Variants in PDE1C observed in about 807,000 individuals in gnomAD.
PDE1C encodes phosphodiesterase 1C.
Under a neutral mutation model 93.1 loss-of-function variants are expected in PDE1C, and 62 were observed. The observed-to-expected ratio is 0.67, with a 90% CI of 0.54 to 0.82. The LOEUF (loss-of-function observed/expected upper bound fraction) is 0.82, where lower values mean the gene tolerates loss of function less well. Among genes scored for constraint, PDE1C ranks in the 40% least tolerant of loss-of-function variants. PDE1C has a pLI of 0.00. For synonymous variants in PDE1C, 325 were observed against 310.1 expected, an observed-to-expected ratio of 1.05 and a Z score of -0.50; for missense variants, 742 against 884.6, an observed-to-expected ratio of 0.84 and a Z score of 2.04.
chr7:32,064,120 G>A, intron 1 of PDE1C, among the ~76,000 whole-genome samples: 1 of 152,102 alleles, frequency 6.6e-6, no homozygotes. Flanking sequence ...TGCTTTTCTG[G>A]TAAGATTCAG....
chr7:31,992,116 T>C (rs1235072653), intron 2 of PDE1C, among the ~76,000 whole-genome samples: 2 of 152,164 alleles, frequency 1.3e-5, no homozygotes, highest in Admixed American at 1.3e-4. Flanking sequence ...CCCAGTGGGA[T>C]CCCATGCACC....
At chr7:32,329,181 G>T (rs1562676300) in intron 1 of PDE1C, among the ~76,000 whole-genome samples, 1 of 152,196 alleles carries the variant, frequency 6.6e-6, no homozygotes, top group African/African-American at 2.4e-5. Flanking sequence ...GCAGTAAGCT[G>T]TGATCATGCC....
chr7:32,405,322 G>T (rs1388858571), intron 1 of PDE1C, among the ~76,000 whole-genome samples: 1 of 149,506 alleles, frequency 6.7e-6, no homozygotes, highest in African/African-American at 2.5e-5. Flanking sequence ...CACAATCTTG[G>T]TTTACCACAA....
upstream of PDE1C, among the ~76,000 whole-genome samples, chr7:32,304,153 G>A (rs1264989568): frequency 6.6e-6 from 1 of 152,174 alleles, no homozygotes; most frequent in Non-Finnish European, 1.5e-5. Flanking sequence ...GGGTCCTCCA[G>A]AAAGCATTTT....
At chr7:32,126,242 T>TAGAG in intron 3 of PDE1C, among the ~76,000 whole-genome samples, 1 of 149,928 alleles carries the variant, frequency 6.7e-6, no homozygotes, top group Non-Finnish European at 1.5e-5. Context: ...GATAGATAGA[T>TAGAG]AGATTCATTT....
chr7:32,158,792 G>T (rs551974252), intron 3 of PDE1C, among the ~76,000 whole-genome samples: 3 of 152,192 alleles, frequency 2.0e-5, no homozygotes, highest in Non-Finnish European at 4.4e-5. Flanking sequence ...CTTACTCAAA[G>T]ATGGAGAGCT....
intron 2 of PDE1C, among the ~76,000 whole-genome samples, chr7:31,989,392 C>T (rs1476758524): frequency 2.0e-5 from 3 of 152,098 alleles, no homozygotes; most frequent in Non-Finnish European, 2.9e-5. Flanking sequence ...ATGATTTTTC[C>T]ACCATCAAAC....
chr7:32,071,111 G>T, upstream of PDE1C: 1 of 985,498 alleles, frequency 1.0e-6, no homozygotes, highest in Non-Finnish European at 1.2e-6. Flanking sequence ...CCGGGCACAC[G>T]CTGGGCTCCG....
chr7:31,840,470 G>A (rs1447473350), intron 9 of PDE1C, among the ~76,000 whole-genome samples: 2 of 151,820 alleles, frequency 1.3e-5, no homozygotes, highest in African/African-American at 4.8e-5. Context: ...TTTTTATAAA[G>A]TTCAATTTAT....
chr7:31,965,988 C>G (rs955293477), intron 2 of PDE1C, among the ~76,000 whole-genome samples: 2 of 152,178 alleles, frequency 1.3e-5, no homozygotes, highest in African/African-American at 4.8e-5. Context: ...CGACCAGTAC[C>G]AGCCACTGCA....
At chr7:32,132,366 T>C (rs912328807) in intron 3 of PDE1C, among the ~76,000 whole-genome samples, 3 of 152,188 alleles carry the variant, frequency 2.0e-5, no homozygotes, top group African/African-American at 7.2e-5. Flanking sequence ...ATATTTGACT[T>C]TTATCATATC....
chr7:32,049,495 G>C (rs895619925), intron 2 of PDE1C, among the ~76,000 whole-genome samples: 5 of 152,238 alleles, frequency 3.3e-5, no homozygotes, highest in African/African-American at 1.2e-4. Context: ...GGATGAGGAA[G>C]GGGCTTTACT....
chr7:31,867,529 A>G (rs1795446318), intron 6 of PDE1C, among the ~76,000 whole-genome samples: 1 of 152,082 alleles, frequency 6.6e-6, no homozygotes, highest in African/African-American at 2.4e-5. Flanking sequence ...CCACCTATAC[A>G]TGCCACCTGT....
At chr7:31,823,012 ACT>A in intron 14 of PDE1C, 59 bp downstream of exon 14, 3 of 1,392,156 alleles carry the variant, frequency 2.2e-6, no homozygotes, top group Non-Finnish European at 2.9e-6. Context: ...AACACACATA[ACT>A]CAGAGAGGAC....
chr7:32,420,565 G>C (rs1039232096), intron 1 of PDE1C, among the ~76,000 whole-genome samples: 11 of 143,462 alleles, frequency 7.7e-5, no homozygotes, highest in African/African-American at 2.3e-4. Flanking sequence ...AAAAAAAAAG[G>C]GGGGGTGGTA....
chr7:32,304,321 T>C (rs1385386282), upstream of PDE1C, among the ~76,000 whole-genome samples: 1 of 152,152 alleles, frequency 6.6e-6, no homozygotes, highest in Non-Finnish European at 1.5e-5. Context: ...CAGAGATGGG[T>C]CTTCCATCCT....
At chr7:31,829,470 A>G (rs957618909) in intron 11 of PDE1C, among the ~76,000 whole-genome samples, 9 of 152,206 alleles carry the variant, frequency 5.9e-5, no homozygotes, top group East Asian at 5.8e-4. Flanking sequence ...GTAATAGCAA[A>G]TAAAGGGTAG....
chr7:32,074,117 G>C (rs1796220744), upstream of PDE1C, among the ~76,000 whole-genome samples: 1 of 152,076 alleles, frequency 6.6e-6, no homozygotes, highest in African/African-American at 2.4e-5. Flanking sequence ...TAAGTCTATG[G>C]ACTAGCCAAC....
chr7:31,818,678 T>C (rs1014692108), intron 14 of PDE1C, among the ~76,000 whole-genome samples: 6 of 152,132 alleles, frequency 3.9e-5, no homozygotes, highest in Non-Finnish European at 1.5e-5. Flanking sequence ...AGTAAAAAGA[T>C]GACTATTTTT....
Sources: gnomAD v4.1 joint callset for allele counts (sites outside exome capture counted in the v4.1 genomes callset) on GRCh38, gnomAD v4.1.1 for gene constraint, MANE v1.5 for transcripts, NCBI Gene and HGNC (gene_info 2026-07-23, HGNC 2026-07-21) for gene names.